The following TNFRSF9 variants were observed in gnomAD, a reference collection of about 807,000 sequenced individuals.
TNFRSF9 encodes TNF receptor superfamily member 9.
Under a neutral mutation model 28.8 loss-of-function variants are expected in TNFRSF9, and 16 were observed. The ratio of observed to expected loss-of-function variants is 0.55; its 90% CI spans 0.38 to 0.84. The LOEUF (loss-of-function observed/expected upper bound fraction) is 0.84. Among genes scored for constraint, TNFRSF9 ranks in the 40% least tolerant of loss-of-function variants. The pLI is 0.00. For missense variants in TNFRSF9, 303 were observed against 315.0 expected (o/e 0.96, Z 0.29); for synonymous variants, 131 against 117.0 (o/e 1.12, Z -0.77).
intron 7 of TNFRSF9, among the ~76,000 whole-genome samples, chr1:7,931,734 T>C (rs985236748): frequency 6.6e-6 from 1 of 152,272 alleles, no homozygotes; most frequent in African/African-American, 2.4e-5. Flanking sequence ...TGAATGTTTG[T>C]TTACAACAAT....
At chr1:7,933,416 C>A in intron 6 of TNFRSF9, 120 bp from the exon 7 acceptor site, 1 of 1,225,388 alleles carries the variant, frequency 8.2e-7, no homozygotes, top group Non-Finnish European at 1.1e-6. Context: ...TGGGCATCTC[C>A]AACCTGCTAA....
chr1:7,937,434 C>G (rs1317426428), intron 5 of TNFRSF9, among the ~76,000 whole-genome samples: 1 of 152,166 alleles, frequency 6.6e-6, no homozygotes, highest in African/African-American at 2.4e-5. Flanking sequence ...GCTGGGATTA[C>G]AGGCGTGAAC....
intron 7 of TNFRSF9, among the ~76,000 whole-genome samples, chr1:7,925,827 G>A (rs1000164731): frequency 1.3e-5 from 2 of 152,166 alleles, no homozygotes; most frequent in African/African-American, 4.8e-5. Flanking sequence ...ATGGAGATAA[G>A]GCGGTAATGC....
intron 5 of TNFRSF9, among the ~76,000 whole-genome samples, chr1:7,937,203 C>G (rs899018743): frequency 6.6e-6 from 1 of 152,302 alleles, no homozygotes; most frequent in African/African-American, 2.4e-5. Flanking sequence ...GAGACAGGCT[C>G]TCTGCTCTGG....
chr1:7,920,836 C>T lies in TNFRSF9; in HGVS notation c.767G>A (p.Ter256=), dbSNP rs1227488832. The T allele has an allele frequency of 6.2e-7, 1 of 1,613,294 alleles. No homozygotes were observed. The highest frequency in any genetic ancestry group is 8.5e-7 in the Non-Finnish European group (1 of 1,179,326). ...PEEEEGGCEL[*] ...CCAACAGCCCTATTGACTTCCATTTCACAGTTCACATCCTCCTTCTTCTTC... is the reference window on the plus strand; with the variant it reads ...CCAACAGCCCTATTGACTTCCATTTTACAGTTCACATCCTCCTTCTTCTTC... The change falls in exon 8 of 8, where the codon TGA becomes TAA. Residue 256 remains the stop codon, a stop_retained_variant. Transcript: ENST00000377507.
chr1:7,924,394 A>G (rs1370113736), intron 7 of TNFRSF9, among the ~76,000 whole-genome samples: 2 of 150,352 alleles, frequency 1.3e-5, no homozygotes, highest in African/African-American at 4.9e-5. Flanking sequence ...TGGGAGGCCA[A>G]GGCAGGTGGA....
At chr1:7,936,442 CA>C (rs1639817779) in intron 5 of TNFRSF9, 1 of 159,790 alleles carries the variant, frequency 6.3e-6, no homozygotes, top group Non-Finnish European at 1.3e-5. Context: ...AACAAACAAA[CA>C]AAACAAACAA....
intron 7 of TNFRSF9, among the ~76,000 whole-genome samples, chr1:7,932,719 A>G (rs1639751395): frequency 6.8e-6 from 1 of 146,132 alleles, no homozygotes; most frequent in African/African-American, 2.7e-5. Context: ...ACACACAGAC[A>G]CGCACACACA....
At chr1:7,934,385 A>G (rs1201859113) in intron 6 of TNFRSF9, among the ~76,000 whole-genome samples, 1 of 150,240 alleles carries the variant, frequency 6.7e-6, no homozygotes, top group African/African-American at 2.5e-5. Context: ...GGGAAAAAAA[A>G]AGCGAGAGAG....
At position 7,935,105 on chromosome 1, in the gene TNFRSF9, G is replaced by A. The variant is rs769884031; in HGVS notation, c.452C>T (p.Thr151Met). The change falls in exon 6 of 8, where the codon ACG becomes ATG. Residue 151 changes from threonine (T) to methionine (M), a missense_variant. Thr to Met is a moderately conservative substitution (Grantham distance 81). Transcript: ENST00000377507. ...TCCACAGACCACGTCCCTCTCCTTCGTCCCATTCACAAGCACAGACTTTCC... is the reference window on the plus strand; with the variant it reads ...TCCACAGACCACGTCCCTCTCCTTCATCCCATTCACAAGCACAGACTTTCC... Reference protein sequence around the residue: ...LDGKSVLVNGTKERDVVCGPS... With the variant: ...LDGKSVLVNGMKERDVVCGPS... 9.9e-6 allele frequency: 16 copies of A among 1,614,042 alleles called. No individual in the cohort carries two copies. Among genetic ancestry groups the A allele is most frequent in the South Asian group, 7.7e-5 (7 of 91,084 alleles).
rs566160441 is a variant in TNFRSF9 at position 7,923,820 on chromosome 1, A to G, written c.680-2897T>C. 9.1e-4 allele frequency among the ~76,000 whole-genome samples: 139 copies of G among 152,298 alleles called. 1 individual carries two copies. Among genetic ancestry groups the G allele is most frequent in the Middle Eastern group, 3.4e-3 (1 of 294 alleles). ...GCCACTGCACTCCCGCCTGGGTAAT[A>G]GAGCAAGCAAGACCCTGACTTCTAA... On this transcript the variant is annotated intron_variant, in intron 7 of 7. Transcript: ENST00000377507.
intron 7 of TNFRSF9, among the ~76,000 whole-genome samples, chr1:7,925,116 C>A (rs934027727): frequency 6.6e-6 from 1 of 151,982 alleles, no homozygotes; most frequent in Admixed American, 6.6e-5. Flanking sequence ...GAGTTCGAGA[C>A]CAGCCTAGCC....
chr1:7,931,414 A>G (rs1318913612), intron 7 of TNFRSF9, among the ~76,000 whole-genome samples: 4 of 152,244 alleles, frequency 2.6e-5, no homozygotes, highest in East Asian at 1.9e-4. Flanking sequence ...CAATGATGTC[A>G]TCATTCAACA....
intron 7 of TNFRSF9, among the ~76,000 whole-genome samples, chr1:7,928,088 C>A (rs1360382147): frequency 6.6e-6 from 1 of 152,082 alleles, no homozygotes; most frequent in Non-Finnish European, 1.5e-5. Context: ...AAGGGAAGTG[C>A]AAATTAAAGC....
At chr1:7,933,036 C>T (rs1639757411) in intron 7 of TNFRSF9, 126 bp downstream of exon 7, 1 of 1,168,184 alleles carries the variant, frequency 8.6e-7, no homozygotes, top group Non-Finnish European at 1.2e-6. Context: ...GACGAAATTG[C>T]CCCTGCGTGA....
intron 7 of TNFRSF9, among the ~76,000 whole-genome samples, chr1:7,922,960 T>C (rs1415151256): frequency 2.7e-5 from 4 of 149,096 alleles, no homozygotes; most frequent in African/African-American, 9.9e-5. Flanking sequence ...TGGAGTGCAA[T>C]GGCGTGATCT....
At chr1:7,932,981 C>A (rs1371552326) in intron 7 of TNFRSF9, 181 bp downstream of exon 7, 2 of 658,638 alleles carry the variant, frequency 3.0e-6, no homozygotes, top group Non-Finnish European at 5.1e-6. Context: ...CACCACCGAG[C>A]GGTGAACACT....
chr1:7,934,870 C>T lies in TNFRSF9; in HGVS notation c.544+143G>A, dbSNP rs1053039556. On this transcript the variant is annotated intron_variant, in intron 6 of 7. Transcript: ENST00000377507. ...GAATAACAAATGCCTGGGAAGAAAA[C>T]TGCTGGGTCCCTGAGGGCAGGATTC... 4.6e-6 allele frequency: 5 copies of T among 1,081,504 alleles called. No homozygotes were observed. The Admixed American group carries it at 1.4e-4, about 30-fold the overall frequency. 67.0% of individuals were successfully genotyped at this position (1,081,504 alleles called of 1,614,324 possible).
intron 5 of TNFRSF9, among the ~76,000 whole-genome samples, chr1:7,935,875 A>C (rs1356368664): frequency 1.3e-5 from 2 of 152,170 alleles, no homozygotes; most frequent in Non-Finnish European, 2.9e-5. Context: ...ATGTGCTGCC[A>C]GAACTGTTTC....
Sources: allele counts gnomAD v4.1 joint callset (sites outside exome capture counted in the v4.1 genomes callset), GRCh38; gene constraint gnomAD v4.1.1; transcripts MANE v1.5; gene names NCBI Gene and HGNC (gene_info 2026-07-23, HGNC 2026-07-21).